Variants in PFDN1 observed in about 807,000 individuals in gnomAD.
PFDN1 encodes prefoldin subunit 1, also known as prefoldin 1.
Under a neutral mutation model 17.3 loss-of-function variants are expected in PFDN1, and 6 were observed. The observed-to-expected ratio is 0.35, with a 90% confidence interval of 0.19 to 0.69. PFDN1 has a LOEUF of 0.69. Ranked by LOEUF, PFDN1 falls within the 30% of genes least tolerant of loss-of-function variation. The pLI, the probability that PFDN1 is intolerant of heterozygous loss-of-function variation, is 0.65. For missense variants in PFDN1, 113 were observed against 146.2 expected, an observed-to-expected ratio of 0.77 and a Z score of 1.17; for synonymous variants, 58 against 50.1, an observed-to-expected ratio of 1.16 and a Z score of -0.67.
At chr5:140,271,372 A>G (rs1427528610) in intron 3 of PFDN1, among the ~76,000 whole-genome samples, 2 of 152,224 alleles carry the variant, frequency 1.3e-5, no homozygotes, top group Non-Finnish European at 2.9e-5. Flanking sequence ...ATAAGTACTC[A>G]TGTTTGAAAT....
At chr5:140,294,449 C>A (rs1320971189) in intron 2 of PFDN1, among the ~76,000 whole-genome samples, 1 of 151,954 alleles carries the variant, frequency 6.6e-6, no homozygotes, top group Admixed American at 6.6e-5. Flanking sequence ...AAAAGGGCTG[C>A]AAAACTTGAA....
intron 2 of PFDN1, among the ~76,000 whole-genome samples, chr5:140,294,760 T>A (rs1235488997): frequency 6.6e-6 from 1 of 152,084 alleles, no homozygotes; most frequent in Non-Finnish European, 1.5e-5. Context: ...ATGCCACATT[T>A]ATCTTAAGTT....
chr5:140,251,091 A>G (rs974017828), intron 3 of PFDN1, among the ~76,000 whole-genome samples: 2 of 151,976 alleles, frequency 1.3e-5, no homozygotes, highest in Non-Finnish European at 2.9e-5. Flanking sequence ...GAGTACCACC[A>G]CACCCAGCTA....
intron 2 of PFDN1, among the ~76,000 whole-genome samples, chr5:140,294,632 A>C (rs1369051172): frequency 6.6e-6 from 1 of 152,082 alleles, no homozygotes; most frequent in Non-Finnish European, 1.5e-5. Flanking sequence ...CAGTTCAGCC[A>C]AGCTGTCATA....
At chr5:140,271,862 T>C (rs896094298) in intron 3 of PFDN1, among the ~76,000 whole-genome samples, 1 of 151,452 alleles carries the variant, frequency 6.6e-6, no homozygotes, top group Non-Finnish European at 1.5e-5. Context: ...GGCAAAAAAA[T>C]AGTGATTTTG....
At chr5:140,262,148 C>T (rs1765074328) in intron 3 of PFDN1, among the ~76,000 whole-genome samples, 1 of 151,990 alleles carries the variant, frequency 6.6e-6, no homozygotes, top group Admixed American at 6.6e-5. Context: ...TTCCTTTTGC[C>T]CTTGCTTCAA....
At chr5:140,291,382 G>GT (rs1388287721) in intron 2 of PFDN1, among the ~76,000 whole-genome samples, 3 of 152,122 alleles carry the variant, frequency 2.0e-5, no homozygotes, top group Admixed American at 6.6e-5. Context: ...GGGGCCAAGG[G>GT]TGACTCCAAG....
intron 3 of PFDN1, chr5:140,265,573 C>G (rs1765123639): frequency 6.6e-6 from 1 of 152,118 alleles, no homozygotes; most frequent in Non-Finnish European, 1.5e-5. Context: ...AGGTAAAGGC[C>G]CAAACCAAAC....
chr5:140,300,596 G>A lies in PFDN1; in HGVS notation c.34-14C>T, dbSNP rs1478884567. Reference sequence around the variant, plus strand: ...CTCTGTGAAGGCCTAATAAAAACAAGTCCATGATTTAGTAGGTAAAACATT... The same window carrying A: ...CTCTGTGAAGGCCTAATAAAAACAAATCCATGATTTAGTAGGTAAAACATT... On this transcript the variant is annotated splice_polypyrimidine_tract_variant and intron_variant, in intron 1 of 3. Transcript: ENST00000261813. The A allele has an allele frequency of 6.4e-7, 1 of 1,568,546 alleles. No homozygotes were observed. Among genetic ancestry groups the A allele is most frequent in the Non-Finnish European group, 8.7e-7 (1 of 1,154,586 alleles).
intron 3 of PFDN1, among the ~76,000 whole-genome samples, chr5:140,251,151 G>A (rs1764907736): frequency 6.6e-6 from 1 of 151,922 alleles, no homozygotes; most frequent in African/African-American, 2.4e-5. Flanking sequence ...GGCCAGGCTG[G>A]TCTCGAACTC....
intron 2 of PFDN1, among the ~76,000 whole-genome samples, chr5:140,295,244 A>G (rs901756087): frequency 3.9e-5 from 6 of 152,150 alleles, no homozygotes; most frequent in African/African-American, 1.4e-4. Context: ...TAGTATGGTT[A>G]AATGTCATTT....
intron 2 of PFDN1, chr5:140,292,758 T>C (rs548237298): frequency 7.9e-5 from 12 of 152,210 alleles, no homozygotes; most frequent in Non-Finnish European, 1.6e-4. Flanking sequence ...GCACTAATGG[T>C]ACATGTAACA....
Position 140,270,851 on chromosome 5 carries a change from G to C in PFDN1, c.285+10598C>G, listed in dbSNP as rs540303469. 1.3e-4 allele frequency among the ~76,000 whole-genome samples: 20 copies of C among 152,164 alleles called. No homozygotes were observed. In the East Asian group the frequency reaches 3.3e-3, roughly 25 times the overall value. On this transcript the variant is annotated intron_variant, in intron 3 of 3. Transcript: ENST00000261813. Reference sequence around the variant, plus strand: ...TGAGGTAGGAGAATGGTGTGAACCTGGGAGGTGGAGCTTGCAGTGAGCCAA... The same window carrying C: ...TGAGGTAGGAGAATGGTGTGAACCTCGGAGGTGGAGCTTGCAGTGAGCCAA...
intron 3 of PFDN1, among the ~76,000 whole-genome samples, chr5:140,264,946 A>T (rs968879576): frequency 6.6e-6 from 1 of 152,192 alleles, no homozygotes; most frequent in African/African-American, 2.4e-5. Context: ...TATTAACATA[A>T]AATCCTCTTA....
intron 3 of PFDN1, among the ~76,000 whole-genome samples, chr5:140,275,097 A>G (rs1315592793): frequency 6.6e-6 from 1 of 152,020 alleles, no homozygotes; most frequent in Admixed American, 6.6e-5. Flanking sequence ...AGACAGTAAG[A>G]CTATCTTCCC....
chr5:140,258,215 T>A (rs1315106889), intron 3 of PFDN1, among the ~76,000 whole-genome samples: 1 of 151,998 alleles, frequency 6.6e-6, no homozygotes, highest in African/African-American at 2.4e-5. Context: ...ACAATCTCAC[T>A]CAGCTGAAGC....
intron 3 of PFDN1, among the ~76,000 whole-genome samples, chr5:140,246,866 C>T (rs1764838099): frequency 6.6e-6 from 1 of 152,174 alleles, no homozygotes; most frequent in South Asian, 2.1e-4. Flanking sequence ...TCCCAGTTAA[C>T]AGACATGAAA....
chr5:140,287,017 G>C (rs777751516), intron 2 of PFDN1, among the ~76,000 whole-genome samples: 1 of 152,118 alleles, frequency 6.6e-6, no homozygotes, highest in Non-Finnish European at 1.5e-5. Flanking sequence ...GGTCTTTTTC[G>C]TACCATATTA....
chr5:140,289,336 AAAAT>A (rs1378566031), intron 2 of PFDN1, among the ~76,000 whole-genome samples: 2 of 152,192 alleles, frequency 1.3e-5, no homozygotes, highest in African/African-American at 4.8e-5. Flanking sequence ...TTTGAGCAAC[AAAAT>A]AAATAATGTA....
Sources: allele counts gnomAD v4.1 joint callset (sites outside exome capture counted in the v4.1 genomes callset), GRCh38; gene constraint gnomAD v4.1.1; transcripts MANE v1.5; gene names NCBI Gene and HGNC (gene_info 2026-07-23, HGNC 2026-07-21).